The following MIER1 variants were observed in gnomAD, a reference collection of about 807,000 sequenced individuals.
MIER1 encodes the protein MIER1 transcriptional regulator.
MIER1 carries 40 observed loss-of-function variants against 75.7 expected under a neutral mutation model. The ratio of observed to expected loss-of-function variants is 0.53; its 90% CI spans 0.41 to 0.69. The LOEUF is 0.69. Among genes scored for constraint, MIER1 ranks in the 30% least tolerant of loss-of-function variants. The pLI, the probability that MIER1 is intolerant of heterozygous loss-of-function variation, is 0.00. For synonymous variants in MIER1, 213 were observed against 223.4 expected, an observed-to-expected ratio of 0.95 and a Z score of 0.42; for missense variants, 574 against 680.2, an observed-to-expected ratio of 0.84 and a Z score of 1.74.
rs71058486 is a variant in MIER1 at position 66,972,235 on chromosome 1, C to CATATAT, written c.1006+521_1006+526dup. On this transcript the variant is annotated intron_variant, in intron 10 of 13. Coordinates refer to ENST00000401041, the MANE Select transcript of MIER1 (RefSeq NM_001077700.3). Reference sequence around the variant, plus strand: ...GTACTACATATATATATATACACTACATATATATATATATATATATATATA... The same window carrying CATATAT: ...GTACTACATATATATATATACACTACATATATATATATATATATATATATATATATA... Among the ~76,000 whole-genome samples, 507 of 63,672 alleles carry CATATAT rather than the reference C, an allele frequency of 8.0e-3. 1 individual carries two copies. Among genetic ancestry groups the CATATAT allele is most frequent in the African/African-American group, 0.033 (371 of 11,318 alleles). 41.8% of individuals were successfully genotyped at this position (63,672 alleles called of 152,430 possible).
At chr1:66,971,153 A>G (rs964035034) in intron 9 of MIER1, among the ~76,000 whole-genome samples, 194 bp downstream of exon 9, 6 of 152,112 alleles carry the variant, frequency 3.9e-5, no homozygotes, top group Admixed American at 3.3e-4. Context: ...AAACGAAACA[A>G]AAACCTGTTT....
At chr1:66,943,299 A>G (rs1194790487) in intron 3 of MIER1, among the ~76,000 whole-genome samples, 1 of 152,156 alleles carries the variant, frequency 6.6e-6, no homozygotes, top group Non-Finnish European at 1.5e-5. Context: ...CCATTGCCTC[A>G]AGCAGTACTA....
In MIER1 at chr1:66,988,327, ACT is replaced by A. The variant is rs906624940; in HGVS notation, c.*3432_*3433del. The A allele has an allele frequency of 6.6e-6, 1 of 152,288 alleles. No homozygotes were observed. The highest frequency in any genetic ancestry group is 6.5e-5 in the Admixed American group (1 of 15,272). 9.4% of individuals were successfully genotyped at this position (152,288 alleles called of 1,614,324 possible). A position where few individuals can be genotyped will look rare whatever the true frequency, so the allele number is the denominator to read the frequency against. ...ATACAACTTTTTACCGTAAAAATTAACTCTCTTCTTTAATATCAAGTTCATCC... is the reference window on the plus strand; with the variant it reads ...ATACAACTTTTTACCGTAAAAATTAACTCTTCTTTAATATCAAGTTCATCC... On this transcript the variant is annotated 3_prime_UTR_variant, in exon 14 of 14. Transcript: ENST00000401041.
intron 6 of MIER1, among the ~76,000 whole-genome samples, chr1:66,959,344 T>C (rs913939978): frequency 2.6e-5 from 4 of 152,178 alleles, no homozygotes; most frequent in Admixed American, 6.5e-5. Flanking sequence ...CACCTAAATT[T>C]CTCTACTTTA....
intron 6 of MIER1, among the ~76,000 whole-genome samples, chr1:66,959,193 C>T (rs1360621713): frequency 6.6e-6 from 1 of 152,038 alleles, no homozygotes; most frequent in Non-Finnish European, 1.5e-5. Context: ...TACTACTTGA[C>T]TTTGGGTGTA....
chr1:66,953,760 T>A (rs1221452941), intron 4 of MIER1, among the ~76,000 whole-genome samples: 1 of 151,900 alleles, frequency 6.6e-6, no homozygotes, highest in Non-Finnish European at 1.5e-5. Context: ...CACACCACCA[T>A]GCCTGGCTAA....
At chr1:66,939,980 A>G in intron 2 of MIER1, 48 bp from the exon 3 acceptor site, 2 of 1,466,940 alleles carry the variant, frequency 1.4e-6, no homozygotes, top group Non-Finnish European at 1.9e-6. Context: ...GTTTGTGAAG[A>G]TACATTATAC....
rs544262613 is a variant in MIER1, at chr1:66,950,216, C to T, written c.339+3921C>T. Among the ~76,000 whole-genome samples, 42 of 152,202 alleles carry T rather than the reference C, an allele frequency of 2.8e-4. No individual in the cohort carries two copies. The South Asian group carries it at 7.0e-3, about 26-fold the overall frequency. On this transcript the variant is annotated intron_variant, in intron 4 of 13. Transcript: ENST00000401041. ...CTCCACCTCCTGGGTTCAAGCAATT[C>T]GCCTGCCTCAGCCTCTTGAGTAGCT...
chr1:66,951,286 G>A (rs1658879106), intron 4 of MIER1, among the ~76,000 whole-genome samples: 1 of 152,070 alleles, frequency 6.6e-6, no homozygotes, highest in South Asian at 2.1e-4. Context: ...GCACCACTAT[G>A]CCCGGCTAAT....
intron 3 of MIER1, among the ~76,000 whole-genome samples, chr1:66,945,318 A>ATATGTATATATATATATATATATATATAT (rs1558042276): frequency 7.4e-6 from 1 of 134,776 alleles, no homozygotes; most frequent in African/African-American, 2.8e-5. Context: ...TATATATATA[A>ATATGTATATATATATATATATATATATAT]AATACCTAAT....
At position 66,984,644 on chromosome 1, in the gene MIER1, G is replaced by A. The variant is rs756450592; in HGVS notation, c.1442G>A (p.Gly481Glu). Residue 481 changes from glycine (G) to glutamate (E), a missense_variant, in exon 14 of 14, where the codon GGA becomes GAA. Around this residue, in one of 3 missense-constraint regions of MIER1, gnomAD observed 164 missense variants for 154.3 expected, o/e 1.06. Transcript: ENST00000401041. ...EVKVEGLHIN[G>E]PTGGNKKPLH... ...AAAGTTGAAGGGTTACACATTAATG[G>A]ACCAACAGGTGGAAATAAGAAACCA... is the stretch of plus-strand genomic sequence containing the variant. 76 of 1,613,740 alleles carry A rather than the reference G, an allele frequency of 4.7e-5. No individual in the cohort carries two copies. The highest frequency in any genetic ancestry group is 6.4e-5 in the Non-Finnish European group (75 of 1,179,890).
intron 12 of MIER1, among the ~76,000 whole-genome samples, chr1:66,981,526 T>C (rs1345832870): frequency 2.6e-5 from 4 of 152,214 alleles, no homozygotes; most frequent in South Asian, 2.1e-4. Flanking sequence ...CCTACAACTT[T>C]ACAAGCTTTA....
chr1:66,942,854 A>G (rs1284934230), intron 3 of MIER1, among the ~76,000 whole-genome samples: 1 of 152,206 alleles, frequency 6.6e-6, no homozygotes, highest in Admixed American at 6.5e-5. Context: ...GCAAGTCTTC[A>G]TATATAATTG....
chr1:66,941,978 A>AAAC (rs1322367483), intron 3 of MIER1, among the ~76,000 whole-genome samples: 1 of 151,802 alleles, frequency 6.6e-6, no homozygotes, highest in East Asian at 1.9e-4. Context: ...CTCAAAAAAA[A>AAAC]AAAAAAAAAC....
intron 12 of MIER1, among the ~76,000 whole-genome samples, chr1:66,977,060 T>C (rs11208980): frequency 0.11 from 17,436 of 152,120 alleles, 2,423 homozygotes; most frequent in African/African-American, 0.34. Context: ...TGTGAAAGCA[T>C]GTTTTTCTTA....
chr1:66,970,946 A>G lies in MIER1; in HGVS notation c.911A>G (p.Lys304Arg). The G allele has an allele frequency of 1.3e-6, 2 of 1,582,266 alleles. No homozygotes were observed. Among genetic ancestry groups the G allele is most frequent in the Non-Finnish European group, 1.7e-6 (2 of 1,170,964 alleles). The change falls in exon 9 of 14, where the codon AAA becomes AGA. Residue 304 changes from lysine to arginine, a missense_variant. This residue lies in a region of MIER1 where 101 missense variants were observed against 173.1 expected (regional missense o/e 0.58). Coordinates refer to ENST00000401041, the MANE Select transcript of MIER1 (RefSeq NM_001077700.3). ...GCAATTCCTGAAGGATCTCACATAA[A>G]AGACAATGAACAGGTCTGTGAAAGA... ...VEAIPEGSHI[K>R]DNEQALYELV... is the part of the protein sequence containing the mutation.
At chr1:66,936,817 G>T (rs1005370410) in intron 2 of MIER1, among the ~76,000 whole-genome samples, 1 of 151,358 alleles carries the variant, frequency 6.6e-6, no homozygotes, top group African/African-American at 2.4e-5. Flanking sequence ...TGGCCAACAT[G>T]TGTGAAACCC....
chr1:66,956,701 G>A (rs1164302797), intron 4 of MIER1, among the ~76,000 whole-genome samples: 1 of 152,136 alleles, frequency 6.6e-6, no homozygotes, highest in Non-Finnish European at 1.5e-5. Flanking sequence ...TGTAGCTTCT[G>A]CAAATCATTA....
chr1:66,966,852 A>G (rs1424040338), intron 8 of MIER1, among the ~76,000 whole-genome samples: 1 of 152,136 alleles, frequency 6.6e-6, no homozygotes, highest in Non-Finnish European at 1.5e-5. Flanking sequence ...CCATTTTTAA[A>G]TCAGATTATT....
Sources: gnomAD v4.1 joint callset for allele counts (sites outside exome capture counted in the v4.1 genomes callset) on GRCh38, gnomAD v4.1.1 for gene constraint, gnomAD v4.1.1 regional missense constraint, MANE v1.5 for transcripts, NCBI Gene and HGNC (gene_info 2026-07-23, HGNC 2026-07-21) for gene names.